Variants in CAMK1D observed in about 807,000 individuals in gnomAD.
CAMK1D encodes calcium/calmodulin dependent protein kinase ID.
Under a neutral mutation model 47.7 loss-of-function variants are expected in CAMK1D, and 9 were observed. The ratio of observed to expected loss-of-function variants is 0.19; its 90% CI spans 0.11 to 0.33. The LOEUF (loss-of-function observed/expected upper bound fraction) is 0.33. Ranked by LOEUF, CAMK1D falls within the 10% of genes least tolerant of loss-of-function variation. CAMK1D has a pLI of 1.00. For synonymous variants in CAMK1D, 184 were observed against 184.9 expected (o/e 0.99, Z 0.04); for missense variants, 291 against 488.7 (o/e 0.60, Z 3.81).
At chr10:12,418,269 T>A (rs1839925796) in intron 1 of CAMK1D, among the ~76,000 whole-genome samples, 1 of 152,194 alleles carries the variant, frequency 6.6e-6, no homozygotes, top group Non-Finnish European at 1.5e-5. Context: ...AACGCGGCCA[T>A]GCCTTGTGAA....
chr10:12,587,522 C>G (rs1216738017), intron 2 of CAMK1D, among the ~76,000 whole-genome samples: 1 of 148,084 alleles, frequency 6.8e-6, no homozygotes. Flanking sequence ...AAATCAGGCT[C>G]TCTGGGACTG....
chr10:12,777,346 A>C (rs1837297467), intron 5 of CAMK1D, among the ~76,000 whole-genome samples: 1 of 143,738 alleles, frequency 7.0e-6, no homozygotes, highest in Admixed American at 6.9e-5. Flanking sequence ...GTCAAGTAAG[A>C]TGAGGATTTG....
rs180892745 is a variant in CAMK1D, at chr10:12,360,877, C to T, written c.92+10967C>T. On this transcript the variant is annotated intron_variant, in intron 1 of 10. Coordinates refer to ENST00000619168, the MANE Select transcript of CAMK1D (RefSeq NM_153498.4). ...CTCTCCCATCTTTCTTTCTTTCTCCCGGGCCAGGCCGGGACTGCAGATACT... is the reference window on the plus strand; with the variant it reads ...CTCTCCCATCTTTCTTTCTTTCTCCTGGGCCAGGCCGGGACTGCAGATACT... 3.2e-3 allele frequency among the ~76,000 whole-genome samples: 491 copies of T among 152,230 alleles called. 5 individuals are homozygous for T. Among genetic ancestry groups the T allele is most frequent in the African/African-American group, 0.011 (440 of 41,530 alleles).
intron 2 of CAMK1D, among the ~76,000 whole-genome samples, chr10:12,612,320 G>T (rs1243920942): frequency 6.6e-6 from 1 of 151,088 alleles, no homozygotes; most frequent in Non-Finnish European, 1.5e-5. Context: ...TCCCAAATTG[G>T]GCTTTAATTA....
At chr10:12,605,814 C>T (rs1026019620) in intron 2 of CAMK1D, among the ~76,000 whole-genome samples, 3 of 152,144 alleles carry the variant, frequency 2.0e-5, no homozygotes, top group East Asian at 1.9e-4. Flanking sequence ...AGAGAGCCCT[C>T]GGAAACAGGA....
At chr10:12,449,253 C>T (rs891244481) in intron 1 of CAMK1D, among the ~76,000 whole-genome samples, 13 of 152,078 alleles carry the variant, frequency 8.5e-5, no homozygotes, top group African/African-American at 2.9e-4. Context: ...ATTGGGAGCA[C>T]GTAGAACCTC....
intron 3 of CAMK1D, among the ~76,000 whole-genome samples, chr10:12,728,390 A>T (rs894952978): frequency 2.6e-5 from 4 of 152,126 alleles, no homozygotes; most frequent in African/African-American, 9.7e-5. Flanking sequence ...AAACATTCGA[A>T]TTGTGTTATA....
intron 1 of CAMK1D, among the ~76,000 whole-genome samples, chr10:12,452,884 A>G (rs1833130366): frequency 6.6e-6 from 1 of 151,968 alleles, no homozygotes; most frequent in African/African-American, 2.4e-5. Flanking sequence ...ACTGTTTTTA[A>G]GAGTACAGTT....
At chr10:12,371,013 T>C (rs1837986989) in intron 1 of CAMK1D, among the ~76,000 whole-genome samples, 1 of 152,218 alleles carries the variant, frequency 6.6e-6, no homozygotes, top group African/African-American at 2.4e-5. Flanking sequence ...ACAGTGTGTG[T>C]GTTTTAAGCT....
intron 2 of CAMK1D, among the ~76,000 whole-genome samples, chr10:12,658,136 A>T (rs1191678648): frequency 6.6e-6 from 1 of 152,136 alleles, no homozygotes; most frequent in Non-Finnish European, 1.5e-5. Flanking sequence ...TGACAGAATG[A>T]GACTCTGTCT....
chr10:12,632,096 C>T (rs1326516389), intron 2 of CAMK1D, among the ~76,000 whole-genome samples: 1 of 152,228 alleles, frequency 6.6e-6, no homozygotes, highest in African/African-American at 2.4e-5. Flanking sequence ...TGGGCAGTGT[C>T]TCCACCTAAC....
intron 3 of CAMK1D, among the ~76,000 whole-genome samples, chr10:12,738,758 G>A (rs1835291935): frequency 1.3e-5 from 2 of 152,096 alleles, no homozygotes; most frequent in Admixed American, 1.3e-4. Context: ...CGTAAAGCCA[G>A]GAAGCAGAGG....
chr10:12,745,383 A>G (rs1032100335), intron 3 of CAMK1D, among the ~76,000 whole-genome samples: 8 of 152,108 alleles, frequency 5.3e-5, no homozygotes, highest in African/African-American at 1.9e-4. Context: ...GTTATTTTCA[A>G]ATAACATAAA....
intron 3 of CAMK1D, among the ~76,000 whole-genome samples, chr10:12,754,589 CAG>C (rs1836146847): frequency 6.6e-6 from 1 of 152,186 alleles, no homozygotes; most frequent in Admixed American, 6.5e-5. Flanking sequence ...GCTAATGTAA[CAG>C]AATACCACAG....
At chr10:12,773,054 A>G (rs1355858403) in intron 5 of CAMK1D, among the ~76,000 whole-genome samples, 2 of 152,166 alleles carry the variant, frequency 1.3e-5, no homozygotes, top group East Asian at 1.9e-4. Flanking sequence ...CTCCTTTGAC[A>G]TCCTGGTTCT....
At chr10:12,494,973 A>G (rs1403743459) in intron 1 of CAMK1D, among the ~76,000 whole-genome samples, 1 of 152,210 alleles carries the variant, frequency 6.6e-6, no homozygotes, top group East Asian at 1.9e-4. Flanking sequence ...AGCTGATTCT[A>G]AACGAGATCA....
chr10:12,652,142 C>G (rs1225654615), intron 2 of CAMK1D, among the ~76,000 whole-genome samples: 1 of 152,134 alleles, frequency 6.6e-6, no homozygotes, highest in African/African-American at 2.4e-5. Context: ...ATAGTCTTTA[C>G]TAGTTGGAGT....
chr10:12,812,873 C>A (rs1457557754), intron 6 of CAMK1D, among the ~76,000 whole-genome samples: 1 of 152,164 alleles, frequency 6.6e-6, no homozygotes, highest in African/African-American at 2.4e-5. Context: ...CATAGAGCCA[C>A]GGTATCTTAA....
chr10:12,560,381 C>T (rs369782646), intron 2 of CAMK1D, among the ~76,000 whole-genome samples: 4 of 151,794 alleles, frequency 2.6e-5, no homozygotes, highest in Non-Finnish European at 2.9e-5. Flanking sequence ...GGTGAAACCC[C>T]GTCTCTACCA....
Sources: gnomAD v4.1 joint callset for allele counts (sites outside exome capture counted in the v4.1 genomes callset) on GRCh38, gnomAD v4.1.1 for gene constraint, MANE v1.5 for transcripts, NCBI Gene and HGNC (gene_info 2026-07-23, HGNC 2026-07-21) for gene names.